IGF2: variants seen among roughly 807,000 people sequenced by gnomAD.
IGF2 encodes insulin like growth factor 2, also known as insulin-like growth factor 2.
Under a neutral mutation model 12.0 loss-of-function variants are expected in IGF2, and 2 were observed. That is an observed-to-expected ratio of 0.17 (90% CI 0.07 to 0.52). IGF2 has a LOEUF of 0.52. IGF2 is among the 20% of genes least tolerant of loss of function. The pLI, the probability that IGF2 is intolerant of heterozygous loss-of-function variation, is 0.95. For synonymous variants in IGF2, 105 were observed against 110.1 expected (o/e 0.95, Z 0.29); for missense variants, 211 against 268.0 (o/e 0.79, Z 1.48).
At chr11:2,144,879 G>A (rs1020518193), upstream of IGF2, among the ~76,000 whole-genome samples, 1 of 152,158 alleles carries the variant, frequency 6.6e-6, no homozygotes, top group Non-Finnish European at 1.5e-5. Flanking sequence ...CCCCATAGGA[G>A]GACCCCGGCT....
chr11:2,147,380 G>C, the IGF2 span: 3 of 393,094 alleles, frequency 7.6e-6, no homozygotes, highest in African/African-American at 6.2e-5. This position sits in a 1 kb window ranked among gnomAD's most constrained non-coding sequence, Gnocchi z 7.2. Flanking sequence ...GCCCACACCT[G>C]CTCTGGCCCC....
upstream of IGF2, chr11:2,141,370 G>A (rs1029737745): frequency 6.6e-6 from 1 of 152,258 alleles, no homozygotes; most frequent in African/African-American, 2.4e-5. Context: ...TGGGAACCGT[G>A]ATTAATGACT....
Position 2,130,119 on chromosome 11 carries a change from C to A in IGF2, c.*2868G>T, listed in dbSNP as rs780201972. Reference sequence around the variant, plus strand: ...GAGGGTTCCTCAAGTGTGCGGAAGGCGGCCACCCTGCCCCAGCCTGATGGA... The same window carrying A: ...GAGGGTTCCTCAAGTGTGCGGAAGGAGGCCACCCTGCCCCAGCCTGATGGA... On this transcript the variant is annotated 3_prime_UTR_variant, in exon 4 of 4. Transcript: ENST00000416167. 6.1e-5 allele frequency: 14 copies of A among 230,038 alleles called. No individual in the cohort carries two copies. Among genetic ancestry groups the A allele is most frequent in the Non-Finnish European group, 9.5e-5 (11 of 116,116 alleles). The allele number at this position is 230,038 out of a possible 1,614,324, so 14.2% of individuals were successfully genotyped here.
At chr11:2,143,256 C>A (rs1402704095), upstream of IGF2, among the ~76,000 whole-genome samples, 1 of 148,044 alleles carries the variant, frequency 6.8e-6, no homozygotes, top group African/African-American at 2.5e-5. Context: ...ACTTGGGATT[C>A]AACGTGTAAA....
Position 2,139,047 on chromosome 11 carries a change from G to T in IGF2, c.-825C>A. Reference sequence around the variant, plus strand: ...GCCCGAGGCTGCGCGCCGGGGGGAGGGCTGGAGGGGGAGCGCGGGGGGGGG... The same window carrying T: ...GCCCGAGGCTGCGCGCCGGGGGGAGTGCTGGAGGGGGAGCGCGGGGGGGGG... On this transcript the variant is annotated 5_prime_UTR_variant, in exon 1 of 4. Transcript: ENST00000416167. 5.1e-6 allele frequency: 3 copies of T among 586,476 alleles called. No homozygotes were observed. Among genetic ancestry groups the T allele is most frequent in the Non-Finnish European group, 6.3e-6 (3 of 476,944 alleles). The allele number at this position is 586,476 out of a possible 1,614,324, so 36.3% of individuals were successfully genotyped here. A position where few individuals can be genotyped will look rare whatever the true frequency, so the allele number is the denominator to read the frequency against.
Position 2,129,362 on chromosome 11 carries a change from A to C in IGF2, c.*3625T>G. The stretch of plus-strand genomic sequence containing the variant: ...TGAAGACATTGGGGACACGGGGAGG[A>C]GACAAGATGGAGAGCCACGACTAGG... On this transcript the variant is annotated 3_prime_UTR_variant, in exon 4 of 4. Transcript: ENST00000416167. The surrounding 1 kb of genome is among the most constrained non-coding windows in gnomAD (Gnocchi z 8.1). 4.4e-6 allele frequency: 1 copy of C among 225,746 alleles called. No homozygotes were observed. The highest frequency in any genetic ancestry group is 2.2e-5 in the African/African-American group (1 of 44,850). The allele number at this position is 225,746 out of a possible 1,614,324, so 14.0% of individuals were successfully genotyped here. A position where few individuals can be genotyped will look rare whatever the true frequency, so the allele number is the denominator to read the frequency against.
upstream of IGF2, among the ~76,000 whole-genome samples, chr11:2,142,343 G>C (rs546079923): frequency 1.1e-4 from 16 of 152,254 alleles, no homozygotes; most frequent in Admixed American, 8.5e-4. The surrounding 1 kb of genome is among the most constrained non-coding windows in gnomAD (Gnocchi z 5.7). Context: ...AAGTTGCTCA[G>C]AGTCCTTGGA....
chr11:2,138,654 G>A lies in IGF2; in HGVS notation c.-432C>T, dbSNP rs1859285956. ...AGAACAGCACGGAGAGAAACAGAAA[G>A]CGTGTAATTAATCCACTTTGGTTCG... is the stretch of plus-strand genomic sequence containing the variant. On this transcript the variant is annotated 5_prime_UTR_variant, in exon 1 of 4. Transcript: ENST00000416167. The A allele has an allele frequency of 1.0e-6, 1 of 977,692 alleles. No homozygotes were observed. The highest frequency in any genetic ancestry group is 6.4e-5 in the Admixed American group (1 of 15,536). The allele number at this position is 977,692 out of a possible 1,614,324, so 60.6% of individuals were successfully genotyped here. A position where few individuals can be genotyped will look rare whatever the true frequency, so the allele number is the denominator to read the frequency against.
chr11:2,143,836 A>G (rs1322443642), upstream of IGF2, among the ~76,000 whole-genome samples: 2 of 152,246 alleles, frequency 1.3e-5, no homozygotes, highest in Non-Finnish European at 2.9e-5. Flanking sequence ...AGTTCGGGGA[A>G]AGCAGGGAAG....
Position 2,132,994 on chromosome 11 carries a change from C to G in IGF2, c.536G>C (p.Arg179Pro). The G allele has an allele frequency of 6.6e-7, 1 of 1,526,312 alleles. No individual in the cohort carries two copies. The highest frequency in any genetic ancestry group is 8.8e-7 in the Non-Finnish European group (1 of 1,136,448). 94.5% of individuals were successfully genotyped at this position (1,526,312 alleles called of 1,614,324 possible). The change falls in exon 4 of 4, where the codon CGG (arginine) becomes CCG (proline). Residue 179 changes from arginine (R) to proline (P), a missense_variant. Around this residue, in one of 3 missense-constraint regions of IGF2, gnomAD observed 141 missense variants for 153.1 expected, o/e 0.92. Transcript: ENST00000416167. ...GACTTGCGGCAGTTTTGCTCACTTC[C>G]GATTGCTGGCCATCTCTGGGGGGGC... ...GGAPPEMASN[R>P]K
upstream of IGF2, chr11:2,140,458 C>G (rs1337089986): frequency 9.3e-6 from 6 of 644,672 alleles, no homozygotes; most frequent in Non-Finnish European, 1.6e-5. Context: ...CCTCGCCCCC[C>G]TCGCTCCGCC....
In IGF2 at chr11:2,130,136, C is replaced by A. The variant is rs1325077431; in HGVS notation, c.*2851G>T. On this transcript the variant is annotated 3_prime_UTR_variant, in exon 4 of 4. Transcript: ENST00000416167. The stretch of plus-strand genomic sequence containing the variant: ...GCGGAAGGCGGCCACCCTGCCCCAG[C>A]CTGATGGAACCCTCTGTTTACACAC... 2 of 230,482 alleles carry A rather than the reference C, an allele frequency of 8.7e-6. No individual in the cohort carries two copies. The highest frequency in any genetic ancestry group is 2.2e-5 in the African/African-American group (1 of 45,078). 14.3% of individuals were successfully genotyped at this position (230,482 alleles called of 1,614,324 possible).
rs2133607028 is a variant in IGF2 at position 2,138,940 on chromosome 11, C to T, written c.-718G>A. The T allele has an allele frequency of 1.0e-6, 1 of 983,906 alleles. No individual in the cohort carries two copies. The highest frequency in any genetic ancestry group is 1.8e-5 in the African/African-American group (1 of 57,068). The allele number at this position is 983,906 out of a possible 1,614,324, so 60.9% of individuals were successfully genotyped here. A position where few individuals can be genotyped will look rare whatever the true frequency, so the allele number is the denominator to read the frequency against. On this transcript the variant is annotated 5_prime_UTR_variant, in exon 1 of 4. Transcript: ENST00000416167. ...GGTTTGGGCCGACGGAGCCCTCTGC[C>T]GTCGCGAGCCCGGGCCTCGGGAGGG...
At chr11:2,137,538 G>C (rs1398652839) in intron 1 of IGF2, among the ~76,000 whole-genome samples, 1 of 151,900 alleles carries the variant, frequency 6.6e-6, no homozygotes, top group Non-Finnish European at 1.5e-5. Context: ...AAGGGGGGGG[G>C]GGTCTCCTTC....
At position 2,133,674 on chromosome 11, in the gene IGF2, C is replaced by A. The variant is rs1209954701; in HGVS notation, c.158-9G>T. 1 of 1,612,644 alleles carries A rather than the reference C, an allele frequency of 6.2e-7. No homozygotes were observed. Among genetic ancestry groups the A allele is most frequent in the Non-Finnish European group, 8.5e-7 (1 of 1,179,948 alleles). On this transcript the variant is annotated splice_polypyrimidine_tract_variant and intron_variant, in intron 2 of 3. Transcript: ENST00000416167. The surrounding 1 kb of genome is among the most constrained non-coding windows in gnomAD (Gnocchi z 8.9). ...ACGGCTTGCGGGCCTGCCTGGAAGTCCCACAGCACAGAGAGAGCCGTGTTA... is the reference window on the plus strand; with the variant it reads ...ACGGCTTGCGGGCCTGCCTGGAAGTACCACAGCACAGAGAGAGCCGTGTTA...
upstream of IGF2, among the ~76,000 whole-genome samples, chr11:2,142,604 C>A (rs1449080336): frequency 1.3e-5 from 2 of 152,078 alleles, no homozygotes; most frequent in Non-Finnish European, 2.9e-5. The surrounding 1 kb of genome is among the most constrained non-coding windows in gnomAD (Gnocchi z 5.7). Flanking sequence ...GTATGGGGGA[C>A]CAGGAAAAGG....
Position 2,133,610 on chromosome 11 carries a change from A to G in IGF2, c.213T>C (p.Cys71=). The change falls in exon 3 of 4, where the codon TGT becomes TGC. Residue 71 remains cysteine, a synonymous_variant. Coordinates refer to ENST00000416167, the MANE Select transcript of IGF2 (RefSeq NM_000612.6). This position sits in a 1 kb window ranked among gnomAD's most constrained non-coding sequence, Gnocchi z 8.9. ...RRSRGIVEEC[C]FRSCDLALLE... ...GGAGGGCCAGGTCACAGCTGCGGAA[A>G]CAGCACTCCTCAACGATGCCACGGC... 6.2e-7 allele frequency: 1 copy of G among 1,613,064 alleles called. No homozygotes were observed.
the IGF2 span, chr11:2,149,213 C>G: frequency 6.2e-7 from 1 of 1,613,290 alleles, no homozygotes; most frequent in Admixed American, 1.7e-5. Flanking sequence ...GGCTCTCTGC[C>G]GAAACTGCCT....
rs1372327867 is a variant in IGF2 at position 2,138,658 on chromosome 11, GTAAT to G, written c.-440_-437del. ...CAGCACGGAGAGAAACAGAAAGCGT[GTAAT>G]TAATCCACTTTGGTTCGGCGAAGGC... On this transcript the variant is annotated 5_prime_UTR_variant, in exon 1 of 4. Coordinates refer to ENST00000416167, the MANE Select transcript of IGF2 (RefSeq NM_000612.6). The G allele has an allele frequency of 1.0e-6, 1 of 971,798 alleles. No individual in the cohort carries two copies. Among genetic ancestry groups the G allele is most frequent in the African/African-American group, 1.9e-5 (1 of 53,996 alleles). 60.2% of individuals were successfully genotyped at this position (971,798 alleles called of 1,614,324 possible).
Sources: gnomAD v4.1 joint callset for allele counts (sites outside exome capture counted in the v4.1 genomes callset) on GRCh38, gnomAD v4.1.1 for gene constraint, gnomAD v4.1.1 regional missense constraint, Gnocchi (gnomAD v3.1) non-coding constraint, MANE v1.5 for transcripts, NCBI Gene and HGNC (gene_info 2026-07-23, HGNC 2026-07-21) for gene names.